The following SORCS3 variants were observed in gnomAD, a reference collection of about 807,000 sequenced individuals.
The protein encoded by SORCS3 is sortilin related VPS10 domain containing receptor 3.
In SORCS3, 57 loss-of-function variants were observed where a neutral mutation model predicts 146.3. That is an observed-to-expected ratio of 0.39 (90% CI 0.31 to 0.49). The LOEUF (loss-of-function observed/expected upper bound fraction) is 0.49, where lower values mean the gene tolerates loss of function less well. SORCS3 is among the 20% of genes least tolerant of loss of function. SORCS3 has a pLI of 0.92. For synonymous variants in SORCS3, 653 were observed against 618.5 expected (o/e 1.06, Z -0.83); for missense variants, 1,341 against 1,575.5 (o/e 0.85, Z 2.52).
chr10:104,660,750 C>G (rs910906036), intron 1 of SORCS3, among the ~76,000 whole-genome samples: 1 of 152,146 alleles, frequency 6.6e-6, no homozygotes, highest in Non-Finnish European at 1.5e-5. Flanking sequence ...CTAATTTTTC[C>G]AATTTTTAGG....
intron 5 of SORCS3, among the ~76,000 whole-genome samples, chr10:105,067,281 C>T (rs573054427): frequency 6.6e-6 from 1 of 152,312 alleles, no homozygotes; most frequent in South Asian, 2.1e-4. Flanking sequence ...AATCCCAACA[C>T]TTTGGGAGGC....
chr10:104,786,769 A>G (rs1364588086), intron 1 of SORCS3, among the ~76,000 whole-genome samples: 2 of 152,050 alleles, frequency 1.3e-5, no homozygotes, highest in Non-Finnish European at 2.9e-5. Context: ...ACCTCCTGGA[A>G]TTGAAGAATT....
chr10:104,827,680 T>C (rs1177925039), intron 1 of SORCS3, among the ~76,000 whole-genome samples: 1 of 152,194 alleles, frequency 6.6e-6, no homozygotes, highest in Non-Finnish European at 1.5e-5. Context: ...TTTGAAGCTT[T>C]GAAGCCAGGC....
At chr10:104,991,574 T>C (rs943854015) in intron 4 of SORCS3, among the ~76,000 whole-genome samples, 14 of 151,480 alleles carry the variant, frequency 9.2e-5, no homozygotes, top group Non-Finnish European at 1.6e-4. Context: ...CGATCTTGGC[T>C]CACTGCAACC....
chr10:104,756,235 T>C (rs1209596396), intron 1 of SORCS3, among the ~76,000 whole-genome samples: 1 of 152,202 alleles, frequency 6.6e-6, no homozygotes, highest in African/African-American at 2.4e-5. Context: ...AAGGATTTAC[T>C]TCTCTCCACA....
At chr10:104,934,324 G>T (rs551312606) in intron 3 of SORCS3, among the ~76,000 whole-genome samples, 2 of 152,190 alleles carry the variant, frequency 1.3e-5, no homozygotes, top group African/African-American at 4.8e-5. Flanking sequence ...ATAGGTCTAG[G>T]CATTAATGAT....
At position 105,037,606 on chromosome 10, in the gene SORCS3, G is replaced by A. The variant is rs907519865; in HGVS notation, c.955-5449G>A. 4.6e-5 allele frequency among the ~76,000 whole-genome samples: 7 copies of A among 152,126 alleles called. No individual in the cohort carries two copies. The South Asian group carries it at 6.2e-4, about 14-fold the overall frequency. On this transcript the variant is annotated intron_variant, in intron 4 of 26. Transcript: ENST00000369701. The stretch of plus-strand genomic sequence containing the variant: ...GTTCTCCTTATGTGTCTTTACGTAG[G>A]ATTCCCTGTCTGCCTGTCTGCTTAT...
At chr10:104,991,013 T>C (rs1443502769) in intron 4 of SORCS3, among the ~76,000 whole-genome samples, 1 of 152,168 alleles carries the variant, frequency 6.6e-6, no homozygotes, top group Non-Finnish European at 1.5e-5. Context: ...TTGGCTTCAC[T>C]GGACCTCCTG....
At chr10:105,093,658 G>A (rs190140214) in intron 6 of SORCS3, among the ~76,000 whole-genome samples, 42 of 151,962 alleles carry the variant, frequency 2.8e-4, no homozygotes, top group Admixed American at 2.4e-3. Flanking sequence ...TAGACATTAG[G>A]GAAATGCAAA....
chr10:104,792,115 G>A lies in SORCS3; in HGVS notation c.628-50677G>A, dbSNP rs116798256. ...AAAGAAAAGAAGGGGTTAGATTGGA[G>A]GCATAAGTATAGAGGGAAGCCTGGG... is the stretch of plus-strand genomic sequence containing the variant. On this transcript the variant is annotated intron_variant, in intron 1 of 26. Coordinates refer to ENST00000369701, the MANE Select transcript of SORCS3 (RefSeq NM_014978.3). Among the ~76,000 whole-genome samples, 252 of 152,268 alleles carry A rather than the reference G, an allele frequency of 1.7e-3. 1 individual carries two copies. The highest frequency in any genetic ancestry group is 4.1e-3 in the Admixed American group (63 of 15,296).
At chr10:104,990,217 T>A (rs966704332) in intron 4 of SORCS3, among the ~76,000 whole-genome samples, 1 of 152,330 alleles carries the variant, frequency 6.6e-6, no homozygotes, top group Non-Finnish European at 1.5e-5. Flanking sequence ...TCATGTGTGG[T>A]AACTCTGAGA....
At chr10:105,200,879 G>C (rs1381193577) in intron 15 of SORCS3, among the ~76,000 whole-genome samples, 2 of 152,142 alleles carry the variant, frequency 1.3e-5, no homozygotes, top group Non-Finnish European at 2.9e-5. Context: ...GGATGATGTA[G>C]ACATCACTGG....
intron 7 of SORCS3, among the ~76,000 whole-genome samples, chr10:105,129,331 CTTTT>C (rs71022753): frequency 8.6e-5 from 9 of 104,610 alleles, no homozygotes; most frequent in South Asian, 3.7e-4. Context: ...CTTTCTTTCT[CTTTT>C]TTTTTTTTTT....
Position 105,178,111 on chromosome 10 carries a change from T to C in SORCS3, c.1947T>C (p.Thr649=), listed in dbSNP as rs1323472526. ...ACTCTTGGGACAAGTATGGTTTCAC[T>C]TCGGTTCCTCTCTTTGTTGACGGGG... is the stretch of plus-strand genomic sequence containing the variant. ...EGHSWDKYGF[T]SVPLFVDGAL... The change falls in exon 14 of 27, where the codon ACT becomes ACC. Residue 649 remains threonine (T), a synonymous_variant. Coordinates refer to ENST00000369701, the MANE Select transcript of SORCS3 (RefSeq NM_014978.3). 1.9e-6 allele frequency: 3 copies of C among 1,613,590 alleles called. No homozygotes were observed. Among genetic ancestry groups the C allele is most frequent in the Non-Finnish European group, 2.5e-6 (3 of 1,179,794 alleles).
At chr10:105,179,265 T>C (rs988795538) in intron 14 of SORCS3, among the ~76,000 whole-genome samples, 1 of 152,196 alleles carries the variant, frequency 6.6e-6, no homozygotes, top group African/African-American at 2.4e-5. Flanking sequence ...CTAGCAAGTT[T>C]AAGGCCACAG....
At chr10:105,104,825 T>C (rs1209129689) in intron 6 of SORCS3, among the ~76,000 whole-genome samples, 1 of 152,186 alleles carries the variant, frequency 6.6e-6, no homozygotes, top group African/African-American at 2.4e-5. Context: ...TTGGAGAAAT[T>C]ACCATGTTGA....
At chr10:104,848,829 C>A (rs962793994) in intron 2 of SORCS3, among the ~76,000 whole-genome samples, 1 of 152,130 alleles carries the variant, frequency 6.6e-6, no homozygotes, top group Non-Finnish European at 1.5e-5. Context: ...TGCTTGCTAT[C>A]CTCAAGGAAT....
At chr10:105,211,304 T>A (rs939754460) in intron 17 of SORCS3, 54 bp downstream of exon 17, 2 of 1,243,886 alleles carry the variant, frequency 1.6e-6, no homozygotes, top group African/African-American at 1.5e-5. Context: ...TTCTCTAAAC[T>A]AGGACCAAAG....
Position 105,105,247 on chromosome 10 carries a change from A to C in SORCS3, c.1094-150A>C. On this transcript the variant is annotated intron_variant, in intron 6 of 26. Transcript: ENST00000369701. ...TAGATATTACGATTTTTTGGGAATT[A>C]TTATAAATTCTGTGGACAAAAGCAT... is the stretch of plus-strand genomic sequence containing the variant. 3 of 568,326 alleles carry C rather than the reference A, an allele frequency of 5.3e-6. No individual in the cohort carries two copies. The South Asian group carries it at 7.0e-5, about 13-fold the overall frequency. The allele number at this position is 568,326 out of a possible 1,614,324, so 35.2% of individuals were successfully genotyped here.
Sources: allele counts gnomAD v4.1 joint callset (sites outside exome capture counted in the v4.1 genomes callset), GRCh38; gene constraint gnomAD v4.1.1; transcripts MANE v1.5; gene names NCBI Gene and HGNC (gene_info 2026-07-23, HGNC 2026-07-21).